The following NAPSA variants were observed in gnomAD, a reference collection of about 807,000 sequenced individuals.
The protein encoded by NAPSA is napsin A aspartic peptidase, also known as napsin-A.
NAPSA carries 37 observed loss-of-function variants against 36.7 expected under a neutral mutation model. That is an observed-to-expected ratio of 1.01 (90% CI 0.78 to 1.33). The LOEUF (loss-of-function observed/expected upper bound fraction) is 1.33. NAPSA is among the 40% of genes most tolerant of loss of function. The probability of loss-of-function intolerance (pLI) is 0.00; values close to 1 mark genes in which losing one functional copy is unlikely to be tolerated. For missense variants in NAPSA, 532 were observed against 543.8 expected (o/e 0.98, Z 0.21); for synonymous variants, 222 against 234.5 (o/e 0.95, Z 0.49).
At chr19:50,365,118 G>A (rs982830586) in intron 1 of NAPSA, among the ~76,000 whole-genome samples, 17 of 151,826 alleles carry the variant, frequency 1.1e-4, no homozygotes, top group Admixed American at 1.0e-3. Flanking sequence ...AGCGGATCAC[G>A]AGGTCAGGGG....
intron 5 of NAPSA, 79 bp downstream of exon 5, chr19:50,360,862 T>G: frequency 7.3e-7 from 1 of 1,369,328 alleles, no homozygotes; most frequent in East Asian, 2.5e-5. Flanking sequence ...ATTCCTGCAT[T>G]GGGTCAGTGA....
chr19:50,361,805 T>C (rs2037477909), intron 3 of NAPSA, 24 bp from the exon 4 acceptor site: 2 of 1,610,074 alleles, frequency 1.2e-6, no homozygotes, highest in Non-Finnish European at 1.7e-6. Flanking sequence ...CAGAAAGGTG[T>C]CATGGGGGAG....
At chr19:50,364,996 AAT>A (rs2037526775) in intron 1 of NAPSA, among the ~76,000 whole-genome samples, 1 of 111,904 alleles carries the variant, frequency 8.9e-6, no homozygotes. Flanking sequence ...TGTCTCAAAT[AAT>A]AATAATAATA....
upstream of NAPSA, chr19:50,365,822 G>T (rs1046634686): frequency 2.5e-5 from 12 of 472,906 alleles, no homozygotes; most frequent in African/African-American, 2.0e-4. Flanking sequence ...GTAGCATCCT[G>T]TGCTCCTGGT....
chr19:50,369,151 A>T (rs1250987435), upstream of NAPSA: 2 of 152,148 alleles, frequency 1.3e-5, no homozygotes, highest in African/African-American at 4.8e-5. Context: ...TAAACCCGTC[A>T]TTTTATTTAC....
At chr19:50,365,469 G>T in intron 1 of NAPSA, 70 bp downstream of exon 1, 1 of 1,466,408 alleles carries the variant, frequency 6.8e-7, no homozygotes, top group Non-Finnish European at 9.5e-7. Context: ...TGAACTGGGA[G>T]TCCTAGACTT....
intron 1 of NAPSA, among the ~76,000 whole-genome samples, chr19:50,364,727 TCA>T (rs111310552): frequency 0.022 from 3,233 of 150,274 alleles, 115 homozygotes; most frequent in African/African-American, 0.073. Flanking sequence ...ACGCGGGGGC[TCA>T]CAGCTGTAAC....
At chr19:50,365,187 A>C (rs2037531559) in intron 1 of NAPSA, among the ~76,000 whole-genome samples, 1 of 151,022 alleles carries the variant, frequency 6.6e-6, no homozygotes, top group Non-Finnish European at 1.5e-5. Context: ...TACAAAAATT[A>C]GCTGAGCATG....
rs1043277141 is a variant in NAPSA at position 50,359,746 on chromosome 19, A to T, written c.785T>A (p.Met262Lys). The T allele has an allele frequency of 6.2e-7, 1 of 1,614,086 alleles. No individual in the cohort carries two copies. Among genetic ancestry groups the T allele is most frequent in the Non-Finnish European group, 8.5e-7 (1 of 1,180,048 alleles). Residue 262 changes from methionine to lysine, a missense_variant, in exon 6 of 9, where the codon ATG becomes AAG. This residue lies in a region of NAPSA where 385 missense variants were observed against 371.5 expected (regional missense o/e 1.04). Transcript: ENST00000253719. The part of the protein sequence containing the change: ...VTVPAYWQIH[M>K]ERVKVGPGLT... Reference sequence around the variant, plus strand: ...AGGAGACCAAGTCCCTCACCGCTCCATGTGGATCTGCCAGTAGGCAGGGAC... The same window carrying T: ...AGGAGACCAAGTCCCTCACCGCTCCTTGTGGATCTGCCAGTAGGCAGGGAC...
chr19:50,364,729 AC>A (rs2037522655), intron 1 of NAPSA, among the ~76,000 whole-genome samples: 2 of 144,930 alleles, frequency 1.4e-5, no homozygotes, highest in South Asian at 4.2e-4. Flanking sequence ...GCGGGGGCTC[AC>A]AGCTGTAACC....
chr19:50,359,162 C>A, intron 7 of NAPSA, 53 bp from the exon 8 acceptor site: 1 of 1,473,726 alleles, frequency 6.8e-7, no homozygotes, highest in Non-Finnish European at 9.5e-7. Context: ...CTGTTCAGTC[C>A]CTTCCGTGGC....
At chr19:50,365,677 GT>G, upstream of NAPSA, 1 of 1,467,860 alleles carries the variant, frequency 6.8e-7, no homozygotes, top group African/African-American at 1.4e-5. Flanking sequence ...TCTTTCCCCT[GT>G]GACTCCACCC....
chr19:50,367,549 CCTCTCTCTCTCTCTCTCT>C (rs779681679), upstream of NAPSA, among the ~76,000 whole-genome samples: 2 of 132,976 alleles, frequency 1.5e-5, no homozygotes, highest in Admixed American at 7.8e-5. Context: ...TCTCTCTCTC[CCTCTCTCTCTCTCTCTCT>C]CTCTCTCTCT....
chr19:50,361,497 T>C (rs2037472813), intron 4 of NAPSA, 166 bp downstream of exon 4: 1 of 658,034 alleles, frequency 1.5e-6, no homozygotes, highest in Non-Finnish European at 2.7e-6. Context: ...TCCCCCTCCT[T>C]GTGACGCACC....
Position 50,362,262 on chromosome 19 carries a change from C to T in NAPSA, c.135G>A (p.Arg45=), listed in dbSNP as rs143853642. The change falls in exon 2 of 9, where the codon AGG becomes AGA. Residue 45 remains arginine (R), a synonymous_variant. Coordinates refer to ENST00000253719, the MANE Select transcript of NAPSA (RefSeq NM_004851.3). ...QPGRRILNLL[R]GWREPAELPK... ...GGAGCTCTGCTGGTTCTCTCCATCC[C>T]CTCAGTAGGTTCAGGATCCTGCGTC... 36 of 1,613,890 alleles carry T rather than the reference C, an allele frequency of 2.2e-5. 2 individuals carry two copies. Among genetic ancestry groups the T allele is most frequent in the Non-Finnish European group, 2.8e-5 (33 of 1,179,972 alleles).
intron 1 of NAPSA, 109 bp from the exon 2 acceptor site, chr19:50,362,422 ATAG>A: frequency 9.7e-7 from 1 of 1,025,816 alleles, no homozygotes; most frequent in Non-Finnish European, 1.4e-6. Flanking sequence ...AGGCACTACA[ATAG>A]TAGTCAGTAC....
At position 50,359,295 on chromosome 19, in the gene NAPSA, C is replaced by G. The variant is rs190253638; in HGVS notation, c.937-186G>C. 2.4e-4 allele frequency: 206 copies of G among 849,722 alleles called. No homozygotes were observed. The African/African-American group carries it at 3.0e-3, about 13-fold the overall frequency. The allele number at this position is 849,722 out of a possible 1,614,324, so 52.6% of individuals were successfully genotyped here. On this transcript the variant is annotated intron_variant, in intron 7 of 8. Coordinates refer to ENST00000253719, the MANE Select transcript of NAPSA (RefSeq NM_004851.3). ...AACCTGCATGATCGTCTCCCTCCAC[C>G]CGGCCACCATCCGCAGAGTCGCAGT...
At chr19:50,366,834 ATTT>A (rs35429532), upstream of NAPSA, among the ~76,000 whole-genome samples, 4 of 138,216 alleles carry the variant, frequency 2.9e-5, no homozygotes, top group Non-Finnish European at 3.1e-5. Context: ...CCCTGGCTAA[ATTT>A]TTTTTTTTTT....
chr19:50,360,767 C>T lies in NAPSA; in HGVS notation c.668+174G>A, dbSNP rs58034513. On this transcript the variant is annotated intron_variant, in intron 5 of 8. Transcript: ENST00000253719. ...AGGTGTTTCTTTATAGGGCAGGTGA[C>T]TTCCTGCATGGAGGATGCAACTTCT... Among the ~76,000 whole-genome samples, 1,371 of 152,242 alleles carry T rather than the reference C, an allele frequency of 9.0e-3. 20 individuals are homozygous for T. Among genetic ancestry groups the T allele is most frequent in the African/African-American group, 0.03 (1,262 of 41,530 alleles).
Sources: allele counts gnomAD v4.1 joint callset (sites outside exome capture counted in the v4.1 genomes callset), GRCh38; gene constraint gnomAD v4.1.1; regional missense constraint gnomAD v4.1.1; transcripts MANE v1.5; gene names NCBI Gene and HGNC (gene_info 2026-07-23, HGNC 2026-07-21).